The following NR1H4 variants were observed in gnomAD, a reference collection of about 807,000 sequenced individuals.
NR1H4 encodes nuclear receptor subfamily 1 group H member 4, also known as bile acid receptor.
Under a neutral mutation model 58.5 loss-of-function variants are expected in NR1H4, and 23 were observed. That is an observed-to-expected ratio of 0.39 (90% confidence interval 0.28 to 0.56). The LOEUF is 0.56. Ranked by LOEUF, NR1H4 falls within the 20% of genes least tolerant of loss-of-function variation. The probability of loss-of-function intolerance (pLI) is 0.58; values close to 1 mark genes in which losing one functional copy is unlikely to be tolerated. For missense variants in NR1H4, 487 were observed against 576.9 expected (o/e 0.84, Z 1.60); for synonymous variants, 214 against 198.0 (o/e 1.08, Z -0.68).
intron 4 of NR1H4, among the ~76,000 whole-genome samples, chr12:100,527,765 C>A (rs1954597167): frequency 6.6e-6 from 1 of 152,044 alleles, no homozygotes; most frequent in Non-Finnish European, 1.5e-5. Flanking sequence ...TTTGTCCTTG[C>A]GATCGTTTGC....
chr12:100,486,862 TAACCTTTAAAAAATCAGATA>T (rs1953502579), intron 1 of NR1H4, among the ~76,000 whole-genome samples: 2 of 151,106 alleles, frequency 1.3e-5, no homozygotes, highest in African/African-American at 4.9e-5. Flanking sequence ...GCAATAAAAG[TAACCTTTAAAAAATCAGATA>T]TATTTAACTA....
chr12:100,483,985 G>GAAAAAA (rs61582838), intron 1 of NR1H4, among the ~76,000 whole-genome samples: 7 of 70,218 alleles, frequency 1.0e-4, no homozygotes, highest in African/African-American at 1.2e-4. Flanking sequence ...CTCTGTCTCA[G>GAAAAAA]AAAAAAAAAA....
intron 3 of NR1H4, among the ~76,000 whole-genome samples, chr12:100,504,669 G>A (rs1455255288): frequency 6.6e-6 from 1 of 152,094 alleles, no homozygotes; most frequent in African/African-American, 2.4e-5. Flanking sequence ...TCTCATGCAG[G>A]CACTACATTC....
chr12:100,546,150 T>C (rs1028826670), intron 9 of NR1H4, among the ~76,000 whole-genome samples: 2 of 152,268 alleles, frequency 1.3e-5, no homozygotes, highest in Middle Eastern at 3.4e-3. Flanking sequence ...CCAGCCAGAC[T>C]CCCTACTGTG....
At chr12:100,536,443 G>C (rs1415795608) in intron 6 of NR1H4, 69 bp from the exon 7 acceptor site, 2 of 871,824 alleles carry the variant, frequency 2.3e-6, no homozygotes, top group Non-Finnish European at 3.9e-6. Flanking sequence ...CCCTCCAGAT[G>C]AATGCACATA....
At chr12:100,498,531 G>A (rs530356356) in intron 3 of NR1H4, among the ~76,000 whole-genome samples, 3 of 151,906 alleles carry the variant, frequency 2.0e-5, no homozygotes, top group South Asian at 4.2e-4. Context: ...CCAGCTACTC[G>A]GGAGGCTGAG....
intron 4 of NR1H4, among the ~76,000 whole-genome samples, chr12:100,511,753 C>T (rs1954123350): frequency 6.6e-6 from 1 of 151,866 alleles, no homozygotes; most frequent in South Asian, 2.1e-4. Context: ...GAAATCTCGT[C>T]TCTACTAAAA....
intron 6 of NR1H4, among the ~76,000 whole-genome samples, chr12:100,535,575 G>C (rs539751652): frequency 6.6e-6 from 1 of 152,190 alleles, no homozygotes. Flanking sequence ...ACATTTGATG[G>C]AATTTTATTT....
intron 9 of NR1H4, among the ~76,000 whole-genome samples, chr12:100,542,877 A>G (rs1455624447): frequency 2.0e-5 from 3 of 152,176 alleles, no homozygotes; most frequent in Non-Finnish European, 4.4e-5. Context: ...TAATATATTA[A>G]TTTACTAGTC....
At chr12:100,557,362 G>A (rs538189505) in intron 9 of NR1H4, among the ~76,000 whole-genome samples, 1 of 152,266 alleles carries the variant, frequency 6.6e-6, no homozygotes, top group South Asian at 2.1e-4. Flanking sequence ...ATTACCATGG[G>A]GAGGGCACCA....
rs550560728 is a variant in NR1H4, at chr12:100,495,699, A to G, written c.79+2297A>G. ...AGTCGAGATCGCGCCACTGCACTCC[A>G]GCCTGGTGACAGAGTGAGGCTCCAA... On this transcript the variant is annotated intron_variant, in intron 3 of 10. Transcript: ENST00000392986. 5.9e-5 allele frequency among the ~76,000 whole-genome samples: 9 copies of G among 152,118 alleles called. No homozygotes were observed. In the East Asian group the frequency reaches 1.5e-3, roughly 26 times the overall value.
At chr12:100,505,648 C>T in intron 3 of NR1H4, 2 of 700,610 alleles carry the variant, frequency 2.9e-6, no homozygotes, top group Non-Finnish European at 2.6e-6. Context: ...CCATGGAGAA[C>T]CGTCACAAAG....
At chr12:100,560,882 G>T (rs1481206061) in intron 9 of NR1H4, among the ~76,000 whole-genome samples, 1 of 152,188 alleles carries the variant, frequency 6.6e-6, no homozygotes, top group Non-Finnish European at 1.5e-5. Context: ...AGGCCTGGGT[G>T]CCTGAATCTC....
At chr12:100,491,578 T>C (rs1953607027) in intron 1 of NR1H4, among the ~76,000 whole-genome samples, 1 of 151,252 alleles carries the variant, frequency 6.6e-6, no homozygotes, top group African/African-American at 2.4e-5. Context: ...AGGCTTTCCT[T>C]TGGGGTGAAG....
intron 9 of NR1H4, among the ~76,000 whole-genome samples, chr12:100,553,274 A>G (rs952106294): frequency 1.3e-5 from 2 of 152,182 alleles, no homozygotes; most frequent in African/African-American, 4.8e-5. Context: ...CTGGGATTAC[A>G]GGTGTGAGTC....
intron 4 of NR1H4, among the ~76,000 whole-genome samples, chr12:100,512,483 A>G (rs1954145468): frequency 6.6e-6 from 1 of 152,074 alleles, no homozygotes; most frequent in Non-Finnish European, 1.5e-5. Flanking sequence ...TACTAAAAAT[A>G]CAAAAAAATT....
intron 9 of NR1H4, among the ~76,000 whole-genome samples, chr12:100,550,208 C>G (rs1189319601): frequency 1.3e-5 from 2 of 152,098 alleles, no homozygotes; most frequent in Non-Finnish European, 2.9e-5. Flanking sequence ...TGTTTCTATA[C>G]AATTCTAGTG....
intron 1 of NR1H4, among the ~76,000 whole-genome samples, chr12:100,482,099 C>G (rs895439310): frequency 3.9e-5 from 6 of 151,972 alleles, no homozygotes; most frequent in African/African-American, 1.5e-4. Flanking sequence ...GAGACCCTGT[C>G]TCAAAACAAA....
At chr12:100,533,078 CTT>C (rs1954733926) in intron 5 of NR1H4, among the ~76,000 whole-genome samples, 1 of 152,148 alleles carries the variant, frequency 6.6e-6, no homozygotes, top group Non-Finnish European at 1.5e-5. Flanking sequence ...TCTGTCTTCT[CTT>C]AGTGCAGCTT....
Sources: gnomAD v4.1 joint callset for allele counts (sites outside exome capture counted in the v4.1 genomes callset) on GRCh38, gnomAD v4.1.1 for gene constraint, MANE v1.5 for transcripts, NCBI Gene and HGNC (gene_info 2026-07-23, HGNC 2026-07-21) for gene names.